The following CNTN4 variants were observed in gnomAD, a reference collection of about 807,000 sequenced individuals.
The protein encoded by CNTN4 is contactin-4.
In CNTN4, 77 loss-of-function variants were observed where a neutral mutation model predicts 122.5. That is an observed-to-expected ratio of 0.63 (90% CI 0.52 to 0.76). The LOEUF is 0.76. CNTN4 is among the 30% of genes least tolerant of loss of function. The pLI, the probability that CNTN4 is intolerant of heterozygous loss-of-function variation, is 0.00. For missense variants in CNTN4, 1,256 were observed against 1,259.1 expected (o/e 1.00, Z 0.04); for synonymous variants, 512 against 447.0 (o/e 1.15, Z -1.83).
In CNTN4 at chr3:2,841,363, A is replaced by G. The variant is rs1281238900; in HGVS notation, c.454+21782A>G. 6.6e-6 allele frequency among the ~76,000 whole-genome samples: 1 copy of G among 152,214 alleles called. No individual in the cohort carries two copies. The highest frequency in any genetic ancestry group is 1.5e-5 in the Non-Finnish European group (1 of 68,038). ...ATTATTATATCCTACAATCACTCAT[A>G]TATCTTTATTTTTCCAACTCTACCA... On this transcript the variant is annotated intron_variant, in intron 7 of 24. Coordinates refer to ENST00000418658, the MANE Select transcript of CNTN4 (RefSeq NM_175607.3). This position sits in a 1 kb window ranked among gnomAD's most constrained non-coding sequence, Gnocchi z 4.8.
intron 3 of CNTN4, among the ~76,000 whole-genome samples, chr3:2,558,125 T>C (rs1025602212): frequency 6.6e-6 from 1 of 152,230 alleles, no homozygotes; most frequent in Non-Finnish European, 1.5e-5. Context: ...TATTTTAAAA[T>C]ACATACTTGC....
At position 2,906,309 on chromosome 3, in the gene CNTN4, CA is replaced by C. The variant is rs374800269; in HGVS notation, c.1207+3310del. On this transcript the variant is annotated intron_variant, in intron 12 of 24. Transcript: ENST00000418658. Reference sequence around the variant, plus strand: ...AGTTAATAACAAGATATCGTACTCTCAAAAAATGCTGAGGGAGCGGATGTTA... The same window carrying C: ...AGTTAATAACAAGATATCGTACTCTCAAAAATGCTGAGGGAGCGGATGTTA... 2.4e-4 allele frequency among the ~76,000 whole-genome samples: 36 copies of C among 152,148 alleles called. No individual in the cohort carries two copies. The South Asian group carries it at 7.1e-3, about 30-fold the overall frequency.
intron 5 of CNTN4, among the ~76,000 whole-genome samples, chr3:2,742,792 T>C (rs1249972936): frequency 6.6e-6 from 1 of 152,176 alleles, no homozygotes; most frequent in African/African-American, 2.4e-5. Context: ...AAAAGATTCC[T>C]CACACATTGA....
intron 3 of CNTN4, among the ~76,000 whole-genome samples, chr3:2,560,141 T>C (rs962726845): frequency 1.5e-4 from 21 of 137,942 alleles, no homozygotes; most frequent in African/African-American, 5.5e-4. Context: ...TTCTTTTTCT[T>C]TTTCTTTTTT....
intron 3 of CNTN4, among the ~76,000 whole-genome samples, chr3:2,437,798 T>C (rs2048307595): frequency 6.6e-6 from 1 of 152,186 alleles, no homozygotes; most frequent in Non-Finnish European, 1.5e-5. Flanking sequence ...TCATGACATT[T>C]ATATTGGCAA....
chr3:3,037,031 C>T (rs553710072), intron 17 of CNTN4, 148 bp from the exon 18 acceptor site: 6 of 902,598 alleles, frequency 6.6e-6, no homozygotes, highest in South Asian at 5.3e-5. Context: ...ACTGAAACAA[C>T]TGTTGATGCA....
intron 9 of CNTN4, among the ~76,000 whole-genome samples, chr3:2,884,863 C>T (rs2093952824): frequency 6.6e-6 from 1 of 152,200 alleles, no homozygotes; most frequent in Non-Finnish European, 1.5e-5. Flanking sequence ...CTTCAGTCTA[C>T]ACAGAAATGT....
At chr3:2,169,147 G>A (rs2036329882) in intron 2 of CNTN4, among the ~76,000 whole-genome samples, 1 of 152,076 alleles carries the variant, frequency 6.6e-6, no homozygotes, top group South Asian at 2.1e-4. Context: ...AAAAATTGTA[G>A]ACCAGCTTCC....
intron 2 of CNTN4, among the ~76,000 whole-genome samples, chr3:2,328,404 T>G (rs559418946): frequency 6.6e-6 from 1 of 152,208 alleles, no homozygotes; most frequent in East Asian, 1.9e-4. Flanking sequence ...AGACTCCGTC[T>G]CAAAAAATAA....
Position 2,794,889 on chromosome 3 carries a change from G to C in CNTN4, c.359-24597G>C, listed in dbSNP as rs923977530. Among the ~76,000 whole-genome samples, 6 of 152,244 alleles carry C rather than the reference G, an allele frequency of 3.9e-5. No individual in the cohort carries two copies. In the South Asian group the frequency reaches 1.2e-3, roughly 32 times the overall value. Reference sequence around the variant, plus strand: ...GTGGAAGGGGCAAGGGAGCTCTGTCGGGCCTATTAGGGGACTAATCCCATT... The same window carrying C: ...GTGGAAGGGGCAAGGGAGCTCTGTCCGGCCTATTAGGGGACTAATCCCATT... On this transcript the variant is annotated intron_variant, in intron 6 of 24. Coordinates refer to ENST00000418658, the MANE Select transcript of CNTN4 (RefSeq NM_175607.3).
At chr3:2,627,294 C>T (rs2082228871) in intron 4 of CNTN4, among the ~76,000 whole-genome samples, 1 of 152,166 alleles carries the variant, frequency 6.6e-6, no homozygotes, top group Non-Finnish European at 1.5e-5. Context: ...AGTTGGAAGG[C>T]ACTCAGTTCT....
At chr3:3,002,260 G>A (rs959766648) in intron 14 of CNTN4, among the ~76,000 whole-genome samples, 7 of 152,286 alleles carry the variant, frequency 4.6e-5, no homozygotes, top group African/African-American at 1.4e-4. Context: ...AAATCAGGGT[G>A]CCATCTTCCA....
At chr3:2,466,997 G>T in intron 3 of CNTN4, among the ~76,000 whole-genome samples, 2 of 117,474 alleles carry the variant, frequency 1.7e-5, no homozygotes, top group East Asian at 2.4e-4. Flanking sequence ...TGCATTTCCA[G>T]CTGCCAAAGT....
At chr3:2,668,500 A>G (rs1169637461) in intron 4 of CNTN4, among the ~76,000 whole-genome samples, 6 of 152,178 alleles carry the variant, frequency 3.9e-5, no homozygotes, top group South Asian at 2.1e-4. Context: ...GGGCTGAGAC[A>G]ATGGGGTTTT....
intron 3 of CNTN4, among the ~76,000 whole-genome samples, chr3:2,523,047 G>C (rs781080034): frequency 3.9e-5 from 6 of 152,066 alleles, no homozygotes; most frequent in Non-Finnish European, 1.5e-5. Flanking sequence ...CTTGTAGATA[G>C]TTATTTAAAG....
chr3:2,913,558 A>C (rs894042828), intron 12 of CNTN4, among the ~76,000 whole-genome samples: 1 of 152,258 alleles, frequency 6.6e-6, no homozygotes, highest in Non-Finnish European at 1.5e-5. Context: ...AACTGTCACA[A>C]GAGACAAAGA....
At position 2,900,687 on chromosome 3, in the gene CNTN4, C is replaced by G. The variant is rs2094163567; in HGVS notation, c.943C>G (p.Gln315Glu). 2 of 1,613,422 alleles carry G rather than the reference C, an allele frequency of 1.2e-6. No homozygotes were observed. Among genetic ancestry groups the G allele is most frequent in the Non-Finnish European group, 1.7e-6 (2 of 1,179,610 alleles). Residue 315 changes from glutamine to glutamate, a missense_variant and splice_region_variant, in exon 11 of 25, where the codon CAA becomes GAA. Gln to Glu is a conservative substitution (Grantham distance 29). Transcript: ENST00000418658. ...CTTTGCTTTTTGGATGCCTATAGCT[C>G]AACCTAATTGGATTCAAAAAATAAA... The part of the protein sequence containing the change: ...VARGQLTFYA[Q>E]PNWIQKINDI...
At chr3:2,712,007 A>G (rs766957262) in intron 4 of CNTN4, among the ~76,000 whole-genome samples, 1 of 152,206 alleles carries the variant, frequency 6.6e-6, no homozygotes, top group Non-Finnish European at 1.5e-5. Context: ...TTTATTTATC[A>G]GAGGGCTGCT....
chr3:2,569,127 A>C (rs2149479288), intron 3 of CNTN4, among the ~76,000 whole-genome samples: 1 of 152,350 alleles, frequency 6.6e-6, no homozygotes, highest in African/African-American at 2.4e-5. Context: ...GCTTTCTGCC[A>C]CATCAGCAGA....
Sources: allele counts gnomAD v4.1 joint callset (sites outside exome capture counted in the v4.1 genomes callset), GRCh38; gene constraint gnomAD v4.1.1; non-coding constraint Gnocchi (gnomAD v3.1); transcripts MANE v1.5; gene names NCBI Gene and HGNC (gene_info 2026-07-23, HGNC 2026-07-21).